Variants in ZRANB3 observed in about 807,000 individuals in gnomAD.
ZRANB3 encodes the protein zinc finger RANBP2-type containing 3, also known as DNA annealing helicase and endonuclease ZRANB3.
A neutral mutation model predicts 133.8 loss-of-function variants in ZRANB3; 125 were observed. That is an observed-to-expected ratio of 0.93 (90% confidence interval 0.81 to 1.08). The LOEUF (loss-of-function observed/expected upper bound fraction) is 1.08. Ranked by LOEUF, ZRANB3 falls within the 50% of genes least tolerant of loss-of-function variation. The pLI, the probability that ZRANB3 is intolerant of heterozygous loss-of-function variation, is 0.00. For missense variants in ZRANB3, 1,229 were observed against 1,275.5 expected (o/e 0.96, Z 0.56); for synonymous variants, 387 against 432.7 (o/e 0.89, Z 1.31).
At chr2:135,333,939 C>T (rs534651675) in intron 6 of ZRANB3, among the ~76,000 whole-genome samples, 5 of 152,236 alleles carry the variant, frequency 3.3e-5, no homozygotes, top group Non-Finnish European at 7.4e-5. Context: ...TAAAAAACTA[C>T]AATACTGATA....
intron 6 of ZRANB3, among the ~76,000 whole-genome samples, chr2:135,321,413 C>T (rs1017091853): frequency 4.6e-5 from 7 of 151,828 alleles, no homozygotes; most frequent in African/African-American, 1.5e-4. Context: ...AGGTCAAGCG[C>T]CTTTCTAAAT....
intron 8 of ZRANB3, among the ~76,000 whole-genome samples, chr2:135,279,344 G>A (rs888979192): frequency 6.6e-6 from 1 of 152,176 alleles, no homozygotes; most frequent in African/African-American, 2.4e-5. Flanking sequence ...ATCATACAAT[G>A]AGAGTAGGGG....
At position 135,505,888 on chromosome 2, in the gene ZRANB3, A is replaced by C. The variant is rs1051167438; in HGVS notation, c.-7-1392T>G. Among the ~76,000 whole-genome samples, 4 of 152,312 alleles carry C rather than the reference A, an allele frequency of 2.6e-5. No homozygotes were observed. In the South Asian group the frequency reaches 8.3e-4, roughly 32 times the overall value. The stretch of plus-strand genomic sequence containing the variant: ...AGGATGATTAATTATAATATAGCAC[A>C]AATAGTGTAAGGAATTTAAGAGAGT... On this transcript the variant is annotated intron_variant, in intron 1 of 20. Transcript: ENST00000264159.
chr2:135,448,380 A>T (rs2105001914), intron 2 of ZRANB3, among the ~76,000 whole-genome samples: 1 of 152,316 alleles, frequency 6.6e-6, no homozygotes, highest in East Asian at 1.9e-4. Flanking sequence ...AAAAATCTCA[A>T]AGTAATCTTA....
chr2:135,210,320 C>CATTTT (rs10630129), intron 17 of ZRANB3, among the ~76,000 whole-genome samples: 9,458 of 151,654 alleles, frequency 0.062, 553 homozygotes, highest in African/African-American at 0.16. Flanking sequence ...CTGATTAATT[C>CATTTT]ATTTTATTTT....
chr2:135,208,777 T>C (rs1039397397), intron 18 of ZRANB3, 91 bp downstream of exon 18: 5 of 1,164,562 alleles, frequency 4.3e-6, no homozygotes, highest in Non-Finnish European at 6.2e-6. Flanking sequence ...AAAGTGGTCA[T>C]GCAAAGGTGA....
In ZRANB3 at chr2:135,315,453, A is replaced by G. The variant is rs765718472; in HGVS notation, c.755T>C (p.Ile252Thr). The G allele has an allele frequency of 2.5e-6, 4 of 1,600,428 alleles. No homozygotes were observed. In the South Asian group the frequency reaches 4.5e-5, roughly 18 times the overall value. The change falls in exon 7 of 21, where the codon ATA (isoleucine) becomes ACA (threonine). Residue 252 changes from isoleucine to threonine, a missense_variant. Ile to Thr is a moderately conservative substitution (Grantham distance 89). Coordinates refer to ENST00000264159, the MANE Select transcript of ZRANB3 (RefSeq NM_032143.4). The stretch of plus-strand genomic sequence containing the variant: ...TTCAGTCTTTAATCTTCTAATCATT[A>G]TGTCACTTAATAGCTGGTGAAGTTC... ...LNELHQLLSDIMIRRLKTEVL... is the reference protein window; with the variant it reads ...LNELHQLLSDTMIRRLKTEVL...
intron 2 of ZRANB3, among the ~76,000 whole-genome samples, chr2:135,475,873 T>C (rs1212542343): frequency 6.6e-6 from 1 of 152,104 alleles, no homozygotes; most frequent in East Asian, 1.9e-4. Flanking sequence ...AGGTCACAAG[T>C]TCAAGACCAT....
intron 2 of ZRANB3, among the ~76,000 whole-genome samples, chr2:135,491,143 G>A (rs76240974): frequency 0.011 from 1,672 of 152,066 alleles, 12 homozygotes; most frequent in Non-Finnish European, 0.016. Flanking sequence ...AAAGGACACC[G>A]TACAGAAACA....
chr2:135,326,898 CAA>C lies in ZRANB3; in HGVS notation c.678-11370_678-11369del, dbSNP rs56683794. On this transcript the variant is annotated intron_variant, in intron 6 of 20. Transcript: ENST00000264159. ...CTTGCAGCAGAACAAGACTCCATCT[CAA>C]AAAAAAAAAAAAAAAAAAAAAAGAA... 9.8e-3 allele frequency among the ~76,000 whole-genome samples: 604 copies of C among 61,426 alleles called. 4 individuals carry two copies. The highest frequency in any genetic ancestry group is 0.024 in the African/African-American group (572 of 23,516). The allele number at this position is 61,426 out of a possible 152,430, so 40.3% of individuals were successfully genotyped here. A position where few individuals can be genotyped will look rare whatever the true frequency, so the allele number is the denominator to read the frequency against.
chr2:135,230,840 T>A lies in ZRANB3; in HGVS notation c.1627A>T (p.Lys543Ter). 6.2e-7 allele frequency: 1 copy of A among 1,613,238 alleles called. No homozygotes were observed. Among genetic ancestry groups the A allele is most frequent in the Non-Finnish European group, 8.5e-7 (1 of 1,179,680 alleles). ...RQLMTSCDESKRFREENTVVS... is the reference protein window; with the variant it reads ...RQLMTSCDES ...ACAGTATTTTCCTCCCGGAATCTCT[T>A]TGATTCGTCACAGGAGGTCATCAAC... The change falls in exon 13 of 21, where the codon AAG becomes TAG. Residue 543 changes from lysine to a stop codon, truncating the protein, a stop_gained. Coordinates refer to ENST00000264159, the MANE Select transcript of ZRANB3 (RefSeq NM_032143.4). LOFTEE classifies it high-confidence loss of function.
At chr2:135,221,398 GGTCA>G (rs1318564844) in intron 15 of ZRANB3, among the ~76,000 whole-genome samples, 1 of 152,100 alleles carries the variant, frequency 6.6e-6, no homozygotes, top group Non-Finnish European at 1.5e-5. Context: ...CCTGAATACG[GGTCA>G]GTGAGGTGGT....
intron 14 of ZRANB3, among the ~76,000 whole-genome samples, chr2:135,225,581 G>A (rs946998501): frequency 1.3e-5 from 2 of 152,184 alleles, no homozygotes; most frequent in African/African-American, 4.8e-5. Context: ...TAGTATGGAT[G>A]AGCTGAGTCA....
chr2:135,404,938 T>G (rs374494046), intron 2 of ZRANB3, among the ~76,000 whole-genome samples: 3 of 152,106 alleles, frequency 2.0e-5, no homozygotes, highest in Non-Finnish European at 4.4e-5. Flanking sequence ...CAGCTAACAT[T>G]ATAATGACAG....
chr2:135,329,433 C>G (rs1684023437), intron 6 of ZRANB3, among the ~76,000 whole-genome samples: 1 of 152,114 alleles, frequency 6.6e-6, no homozygotes, highest in Non-Finnish European at 1.5e-5. Context: ...TGTTTTGGTA[C>G]CAGTACCATG....
At chr2:135,207,961 A>G in intron 18 of ZRANB3, 125 bp from the exon 19 acceptor site, 1 of 971,260 alleles carries the variant, frequency 1.0e-6, no homozygotes, top group Non-Finnish European at 1.5e-6. Flanking sequence ...CAGTGTAGAA[A>G]TAAAATAGTT....
intron 2 of ZRANB3, among the ~76,000 whole-genome samples, chr2:135,467,472 A>G (rs1008357593): frequency 1.3e-5 from 2 of 152,202 alleles, no homozygotes; most frequent in South Asian, 2.1e-4. Context: ...TTAACTCTTC[A>G]TCTGTACTAT....
At chr2:135,410,183 T>C (rs1688239118) in intron 2 of ZRANB3, among the ~76,000 whole-genome samples, 2 of 152,254 alleles carry the variant, frequency 1.3e-5, no homozygotes, top group South Asian at 4.1e-4. Flanking sequence ...GCCAAGGTAA[T>C]TCTAAGCAAA....
At chr2:135,304,779 A>G (rs1682596117) in intron 8 of ZRANB3, among the ~76,000 whole-genome samples, 1 of 152,058 alleles carries the variant, frequency 6.6e-6, no homozygotes, top group Admixed American at 6.5e-5. Context: ...TGGAATCTAT[A>G]TATTCATATA....
Sources: allele counts gnomAD v4.1 joint callset (sites outside exome capture counted in the v4.1 genomes callset), GRCh38; gene constraint gnomAD v4.1.1; transcripts MANE v1.5; gene names NCBI Gene and HGNC (gene_info 2026-07-23, HGNC 2026-07-21).